The following ODAD2 variants were observed in gnomAD, a reference collection of about 807,000 sequenced individuals.
The protein encoded by ODAD2 is outer dynein arm docking complex subunit 2.
In ODAD2, 89 loss-of-function variants were observed where a neutral mutation model predicts 106.8. That is an observed-to-expected ratio of 0.83 (90% CI 0.70 to 0.99). The LOEUF (loss-of-function observed/expected upper bound fraction) is 0.99. Ranked by LOEUF, ODAD2 falls within the 50% of genes least tolerant of loss-of-function variation. The probability of loss-of-function intolerance (pLI) is 0.00; values close to 1 mark genes in which losing one functional copy is unlikely to be tolerated. For missense variants in ODAD2, 1,168 were observed against 1,238.5 expected (o/e 0.94, Z 0.85); for synonymous variants, 404 against 436.2 (o/e 0.93, Z 0.92).
chr10:27,936,933 C>A, intron 14 of ODAD2, 53 bp from the exon 15 acceptor site: 1 of 1,534,626 alleles, frequency 6.5e-7, no homozygotes, highest in South Asian at 1.3e-5. Context: ...ATCAAGCTTT[C>A]AATGATGCTA....
chr10:27,862,618 G>C lies in ODAD2; in HGVS notation c.2615C>G (p.Ala872Gly), dbSNP rs150297564. Residue 872 changes from alanine (A) to glycine (G), a missense_variant, in exon 18 of 20, where the codon GCT (alanine) becomes GGT (glycine). Physicochemically the swap from Ala to Gly is moderately conservative, Grantham distance 60. This residue lies in a region of ODAD2 where 701 missense variants were observed against 712.3 expected (regional missense o/e 0.98). Transcript: ENST00000305242. Reference sequence around the variant, plus strand: ...AACAAAGGAACGAACCATTTCCCCAGCATCCTAGACAAAAATAAAAGTAAA... The same window carrying C: ...AACAAAGGAACGAACCATTTCCCCACCATCCTAGACAAAAATAAAAGTAAA... ...LCPCIKNAKD[A>G]GEMVRSFVGG... is the part of the protein sequence containing the mutation. 4.4e-6 allele frequency: 7 copies of C among 1,595,886 alleles called. No individual in the cohort carries two copies. The highest frequency in any genetic ancestry group is 6.0e-6 in the Non-Finnish European group (7 of 1,172,548).
intron 16 of ODAD2, among the ~76,000 whole-genome samples, chr10:27,917,031 C>T (rs966677401): frequency 6.6e-6 from 1 of 152,056 alleles, no homozygotes; most frequent in African/African-American, 2.4e-5. Context: ...CACACTTAAC[C>T]AATTTCACTT....
intron 7 of ODAD2, among the ~76,000 whole-genome samples, chr10:27,978,135 A>C (rs575034226): frequency 1.1e-4 from 17 of 152,242 alleles, no homozygotes; most frequent in Non-Finnish European, 2.2e-4. Context: ...GTGGATAAAC[A>C]AATTGTGGCA....
At chr10:27,906,249 C>T (rs560057884) in intron 17 of ODAD2, among the ~76,000 whole-genome samples, 9 of 152,240 alleles carry the variant, frequency 5.9e-5, no homozygotes, top group African/African-American at 9.6e-5. Context: ...GACCAACAAA[C>T]GTATGAAAAA....
intron 16 of ODAD2, among the ~76,000 whole-genome samples, chr10:27,921,608 T>TA (rs1218124801): frequency 4.0e-5 from 6 of 151,782 alleles, no homozygotes; most frequent in Non-Finnish European, 7.4e-5. Context: ...GGATTTTTTT[T>TA]TAAAAAAAGG....
At chr10:27,928,145 T>C (rs746361822) in intron 16 of ODAD2, among the ~76,000 whole-genome samples, 1 of 152,128 alleles carries the variant, frequency 6.6e-6, no homozygotes, top group Non-Finnish European at 1.5e-5. Context: ...GGTATAATAA[T>C]GAACATATTG....
Position 27,995,152 on chromosome 10 carries a change from C to T in ODAD2, c.-10G>A, listed in dbSNP as rs113832406. 2.5e-6 allele frequency: 4 copies of T among 1,614,094 alleles called. No homozygotes were observed. The highest frequency in any genetic ancestry group is 2.2e-5 in the East Asian group (1 of 44,880). On this transcript the variant is annotated 5_prime_UTR_variant, in exon 2 of 20. Transcript: ENST00000305242. ...TCAGAGCCACACCCATGGGATCCAC[C>T]GTGCTCAGACCTGAGCTTAGCACAC... is the stretch of plus-strand genomic sequence containing the variant.
At chr10:27,839,316 G>C (rs966068598) in intron 19 of ODAD2, among the ~76,000 whole-genome samples, 2 of 152,086 alleles carry the variant, frequency 1.3e-5, no homozygotes, top group African/African-American at 4.8e-5. Flanking sequence ...AATGGCTTCT[G>C]GCTTCACTCA....
chr10:27,855,634 G>A (rs1839600399), intron 19 of ODAD2, among the ~76,000 whole-genome samples: 1 of 152,268 alleles, frequency 6.6e-6, no homozygotes, highest in Non-Finnish European at 1.5e-5. Context: ...AACATTAACA[G>A]TATTTTTTTG....
chr10:27,881,789 T>C (rs997911419), intron 17 of ODAD2, among the ~76,000 whole-genome samples: 2 of 152,214 alleles, frequency 1.3e-5, no homozygotes, highest in Non-Finnish European at 2.9e-5. Flanking sequence ...GTGTTGTACA[T>C]TGTGAGATTC....
At chr10:27,971,418 T>C (rs1049300171) in intron 7 of ODAD2, 105 bp from the exon 8 acceptor site, 21 of 988,952 alleles carry the variant, frequency 2.1e-5, no homozygotes, top group Non-Finnish European at 3.1e-5. Context: ...CTCGGATGCA[T>C]TTAACTTGTG....
intron 9 of ODAD2, among the ~76,000 whole-genome samples, chr10:27,964,487 C>T (rs1455605390): frequency 2.6e-5 from 4 of 152,164 alleles, no homozygotes; most frequent in South Asian, 2.1e-4. Flanking sequence ...ATTCACCAAA[C>T]GTGCATGGAG....
intron 10 of ODAD2, among the ~76,000 whole-genome samples, chr10:27,952,302 T>C (rs973280005): frequency 1.2e-4 from 18 of 151,966 alleles, no homozygotes; most frequent in African/African-American, 4.3e-4. Context: ...CCTGTGAGAA[T>C]TGGCCAAAAT....
At position 27,964,917 on chromosome 10, in the gene ODAD2, T is replaced by C. The variant is rs924185939; in HGVS notation, c.1239-3202A>G. Among the ~76,000 whole-genome samples, 2 of 152,140 alleles carry C rather than the reference T, an allele frequency of 1.3e-5. 1 individual carries two copies. The highest frequency in any genetic ancestry group is 4.8e-5 in the African/African-American group (2 of 41,422). Reference sequence around the variant, plus strand: ...ATTAATAAATTAAAGCAAGTATGAATAAGTGAATGAACAAATGACTTCAGT... The same window carrying C: ...ATTAATAAATTAAAGCAAGTATGAACAAGTGAATGAACAAATGACTTCAGT... On this transcript the variant is annotated intron_variant, in intron 9 of 19. Coordinates refer to ENST00000305242, the MANE Select transcript of ODAD2 (RefSeq NM_018076.5).
At chr10:27,866,806 G>T (rs973531894) in intron 17 of ODAD2, among the ~76,000 whole-genome samples, 2 of 152,030 alleles carry the variant, frequency 1.3e-5, no homozygotes, top group African/African-American at 4.8e-5. Context: ...TGGCACCAAG[G>T]CATTCATAAG....
chr10:27,933,634 A>T (rs959714818), intron 16 of ODAD2, among the ~76,000 whole-genome samples: 2 of 152,232 alleles, frequency 1.3e-5, no homozygotes, highest in African/African-American at 4.8e-5. Context: ...GTGGCCAAGT[A>T]GATTTGGGTA....
chr10:27,898,309 C>T (rs959732158), intron 17 of ODAD2, among the ~76,000 whole-genome samples: 3 of 151,978 alleles, frequency 2.0e-5, no homozygotes, highest in Admixed American at 2.0e-4. Context: ...GTGGTTTTGC[C>T]AAATATATCT....
At position 27,924,507 on chromosome 10, in the gene ODAD2, T is replaced by C. The variant is rs368532421; in HGVS notation, c.2495+10503A>G. Among the ~76,000 whole-genome samples the C allele has an allele frequency of 1.0e-4, 15 of 146,246 alleles. No homozygotes were observed. In the East Asian group the frequency reaches 2.8e-3, roughly 27 times the overall value. On this transcript the variant is annotated intron_variant, in intron 16 of 19. Transcript: ENST00000305242. Reference sequence around the variant, plus strand: ...AAATGAATAAAGATAAAACCAGAAATTTATGTGGTAGAAAATAAAAGAACA... The same window carrying C: ...AAATGAATAAAGATAAAACCAGAAACTTATGTGGTAGAAAATAAAAGAACA...
chr10:27,984,079 T>C, intron 5 of ODAD2, 100 bp from the exon 6 acceptor site: 1 of 1,516,254 alleles, frequency 6.6e-7, no homozygotes, highest in South Asian at 1.2e-5. Flanking sequence ...ATTTTAAGCT[T>C]TCCCCTTCTT....
Sources: allele counts gnomAD v4.1 joint callset (sites outside exome capture counted in the v4.1 genomes callset), GRCh38; gene constraint gnomAD v4.1.1; regional missense constraint gnomAD v4.1.1; transcripts MANE v1.5; gene names NCBI Gene and HGNC (gene_info 2026-07-23, HGNC 2026-07-21).